MACF1: variants seen among roughly 807,000 people sequenced by gnomAD.
The protein encoded by MACF1 is microtubule actin crosslinking factor 1, also known as microtubule-actin cross-linking factor 1.
In MACF1, 193 loss-of-function variants were observed where a neutral mutation model predicts 854.8. That is an observed-to-expected ratio of 0.23 (90% confidence interval 0.20 to 0.25). The LOEUF (loss-of-function observed/expected upper bound fraction) is 0.25. Ranked by LOEUF, MACF1 falls within the 10% of genes least tolerant of loss-of-function variation. The pLI, the probability that MACF1 is intolerant of heterozygous loss-of-function variation, is 1.00. For missense variants in MACF1, 7,722 were observed against 8,929.1 expected (o/e 0.86, Z 5.45); for synonymous variants, 3,185 against 3,226.7 (o/e 0.99, Z 0.44).
intron 58 of MACF1, among the ~76,000 whole-genome samples, chr1:39,415,215 A>T (rs1643243392): frequency 6.6e-6 from 1 of 152,174 alleles, no homozygotes; most frequent in Admixed American, 6.5e-5. Flanking sequence ...TCTTTGTCAA[A>T]CTGCCTTTGT....
intron 56 of MACF1, among the ~76,000 whole-genome samples, chr1:39,383,424 T>C (rs1311778154): frequency 6.6e-6 from 1 of 152,240 alleles, no homozygotes; most frequent in Non-Finnish European, 1.5e-5. Context: ...CCCCAAGAGC[T>C]TGTGTTTATC....
intron 44 of MACF1, among the ~76,000 whole-genome samples, chr1:39,354,485 ACCTCCAT>A (rs1434041372): frequency 1.3e-5 from 2 of 151,938 alleles, no homozygotes; most frequent in Non-Finnish European, 2.9e-5. Flanking sequence ...GCTCACCGCA[ACCTCCAT>A]CTCCTGGAGT....
At chr1:39,247,771 G>A (rs1571219815) in intron 2 of MACF1, among the ~76,000 whole-genome samples, 1 of 152,286 alleles carries the variant, frequency 6.6e-6, no homozygotes, top group Non-Finnish European at 1.5e-5. Context: ...GGTGGCTCAC[G>A]CCTGTAATCC....
At chr1:39,432,410 A>C (rs1202553927) in intron 66 of MACF1, 125 bp from the exon 67 acceptor site, 5 of 713,406 alleles carry the variant, frequency 7.0e-6, no homozygotes, top group Non-Finnish European at 1.1e-5. Flanking sequence ...CCCAGTTTTG[A>C]CTCTACTTTG....
At chr1:39,303,821 G>A (rs1646104786) in intron 23 of MACF1, among the ~76,000 whole-genome samples, 1 of 150,628 alleles carries the variant, frequency 6.6e-6, no homozygotes, top group Admixed American at 6.6e-5. Context: ...GCAGTGAGTC[G>A]AGCCGAGATT....
chr1:39,301,996 T>A (rs1386108447), intron 22 of MACF1, among the ~76,000 whole-genome samples: 1 of 151,974 alleles, frequency 6.6e-6, no homozygotes, highest in African/African-American at 2.4e-5. Context: ...TATTTATTTA[T>A]TTATTTATTT....
chr1:39,105,781 G>C lies in MACF1; in HGVS notation c.220+21343G>C, dbSNP rs1370398437. The stretch of plus-strand genomic sequence containing the variant: ...CGGCGCAGCGTGGCCTTCGGAGCCG[G>C]TCGGCTCGGCGGCTGCAGGTGGGGC... On this transcript the variant is annotated intron_variant, in intron 2 of 93. Transcript: ENST00000361689. The surrounding 1 kb of genome is among the most constrained non-coding windows in gnomAD (Gnocchi z 5.9). 3 of 1,025,872 alleles carry C rather than the reference G, an allele frequency of 2.9e-6. No individual in the cohort carries two copies. The highest frequency in any genetic ancestry group is 3.5e-6 in the Non-Finnish European group (3 of 853,800). The allele number at this position is 1,025,872 out of a possible 1,614,324, so 63.5% of individuals were successfully genotyped here.
At chr1:39,363,604 C>CTTTTTTTTT (rs1553308665) in intron 49 of MACF1, among the ~76,000 whole-genome samples, 2 of 136,106 alleles carry the variant, frequency 1.5e-5, no homozygotes, top group Non-Finnish European at 1.6e-5. Flanking sequence ...TTCTTTCTTT[C>CTTTTTTTTT]TTTTTTTTTT....
rs374378607 is a variant in MACF1, at chr1:39,382,941, T to A, written c.13848+789T>A. ...TTCAAGACCAGCCTGGCCAACATGG[T>A]GAAACCTTGCCTCTACTAAAAATAC... On this transcript the variant is annotated intron_variant, in intron 56 of 100. Coordinates refer to ENST00000564288, the MANE Select transcript of MACF1 (RefSeq NM_001394062.1). Among the ~76,000 whole-genome samples the A allele has an allele frequency of 7.9e-5, 12 of 151,644 alleles. No individual in the cohort carries two copies. The East Asian group carries it at 2.0e-3, about 25-fold the overall frequency.
In MACF1 at chr1:39,147,013, C is replaced by T. The variant is rs141020774; in HGVS notation, c.220+62575C>T. Among the ~76,000 whole-genome samples the T allele has an allele frequency of 1.5e-3, 223 of 151,890 alleles. 5 individuals carry two copies. In the East Asian group the frequency reaches 0.036, roughly 24 times the overall value. On this transcript the variant is annotated intron_variant, in intron 2 of 93. Coordinates refer to the MACF1 transcript ENST00000361689. The stretch of plus-strand genomic sequence containing the variant: ...ATTTGTCTTTGTTTATTTTCTTCTT[C>T]TTCTTTTCCTTCTTCCTTCCTTCTT...
intron 2 of MACF1, among the ~76,000 whole-genome samples, chr1:39,144,575 G>A (rs535896652): frequency 6.6e-6 from 1 of 152,090 alleles, no homozygotes; most frequent in East Asian, 1.9e-4. Flanking sequence ...TTCTAACAAC[G>A]TGTGAGGTGT....
chr1:39,358,030 G>C, intron 45 of MACF1, 137 bp downstream of exon 45: 1 of 908,484 alleles, frequency 1.1e-6, no homozygotes, highest in East Asian at 2.7e-5. Context: ...ATGGGCAGAA[G>C]GTCTTCACAA....
chr1:39,397,556 G>A (rs1017511442), intron 58 of MACF1, among the ~76,000 whole-genome samples: 1 of 148,824 alleles, frequency 6.7e-6, no homozygotes, highest in African/African-American at 2.5e-5. Context: ...GCGAAACTTC[G>A]TTCCAAAAAA....
chr1:39,279,188 G>A (rs997293632), intron 6 of MACF1, among the ~76,000 whole-genome samples: 1 of 152,094 alleles, frequency 6.6e-6, no homozygotes, highest in Non-Finnish European at 1.5e-5. Flanking sequence ...CCTGTCAAGG[G>A]CATAAGATCC....
chr1:39,230,420 G>A (rs781181099), intron 1 of MACF1, among the ~76,000 whole-genome samples: 1 of 152,160 alleles, frequency 6.6e-6, no homozygotes, highest in African/African-American at 2.4e-5. Context: ...ATATGGGATG[G>A]TGTGGGCTTT....
chr1:39,151,238 C>T (rs1557484226), intron 2 of MACF1, among the ~76,000 whole-genome samples: 1 of 152,206 alleles, frequency 6.6e-6, no homozygotes, highest in Non-Finnish European at 1.5e-5. Flanking sequence ...AATAAAACAG[C>T]GATCAAATGC....
rs200464985 is a variant in MACF1 at position 39,458,494 on chromosome 1, T to A, written c.21196+4T>A. On this transcript the variant is annotated splice_donor_region_variant and intron_variant, in intron 90 of 100. Transcript: ENST00000564288. ...GAGAAATCCCGCAGCGGAGGCAGTATGTTTCCAGCCCCCTGTGTTAGGATG... is the reference window on the plus strand; with the variant it reads ...GAGAAATCCCGCAGCGGAGGCAGTAAGTTTCCAGCCCCCTGTGTTAGGATG... The A allele has an allele frequency of 5.4e-4, 874 of 1,612,708 alleles. 3 individuals are homozygous for A. The highest frequency in any genetic ancestry group is 6.4e-4 in the Non-Finnish European group (757 of 1,179,350).
chr1:39,106,450 G>A (rs1259046061), intron 2 of MACF1, among the ~76,000 whole-genome samples: 2 of 152,186 alleles, frequency 1.3e-5, no homozygotes, highest in Non-Finnish European at 2.9e-5. Flanking sequence ...TGACAGACAA[G>A]AGGGCCTGTG....
At chr1:39,411,392 C>G in intron 58 of MACF1, 1 of 1,613,990 alleles carries the variant, frequency 6.2e-7, no homozygotes, top group Non-Finnish European at 8.5e-7. Context: ...GAGGATGGAT[C>G]CGATTGCTTA....
Sources: allele counts gnomAD v4.1 joint callset (sites outside exome capture counted in the v4.1 genomes callset), GRCh38; gene constraint gnomAD v4.1.1; non-coding constraint Gnocchi (gnomAD v3.1); transcripts MANE v1.5; gene names NCBI Gene and HGNC (gene_info 2026-07-23, HGNC 2026-07-21).